Variants in HCN1 observed in about 807,000 individuals in gnomAD.
The protein encoded by HCN1 is potassium/sodium hyperpolarization-activated cyclic nucleotide-gated channel 1.
HCN1 carries 13 observed loss-of-function variants against 78.9 expected under a neutral mutation model. The ratio of observed to expected loss-of-function variants is 0.16; its 90% CI spans 0.11 to 0.26. HCN1 has a LOEUF of 0.26. Among genes scored for constraint, HCN1 ranks in the 10% least tolerant of loss-of-function variants. The pLI, the probability that HCN1 is intolerant of heterozygous loss-of-function variation, is 1.00. For missense variants in HCN1, 810 were observed against 1,154.3 expected (o/e 0.70, Z 4.32); for synonymous variants, 552 against 455.5 (o/e 1.21, Z -2.70).
chr5:45,693,300 A>ATTG (rs1456329679), intron 1 of HCN1, among the ~76,000 whole-genome samples: 157 of 152,140 alleles, frequency 1.0e-3, no homozygotes, highest in African/African-American at 3.7e-3. Context: ...GAATGTAAAC[A>ATTG]AGTACATGAT....
intron 2 of HCN1, among the ~76,000 whole-genome samples, chr5:45,624,541 C>G (rs576962904): frequency 6.6e-6 from 1 of 151,908 alleles, no homozygotes; most frequent in Non-Finnish European, 1.5e-5. Flanking sequence ...GCAAGGGCTA[C>G]AGGTGAAGCA....
chr5:45,292,310 A>G (rs1483746078), intron 6 of HCN1, among the ~76,000 whole-genome samples: 1 of 152,048 alleles, frequency 6.6e-6, no homozygotes, highest in African/African-American at 2.4e-5. Flanking sequence ...TAAAATGATT[A>G]TAATAAATAA....
At chr5:45,316,362 A>G (rs965247229) in intron 5 of HCN1, among the ~76,000 whole-genome samples, 1 of 152,122 alleles carries the variant, frequency 6.6e-6, no homozygotes, top group African/African-American at 2.4e-5. Context: ...AAAATTCAAC[A>G]CCCCTTCATG....
intron 1 of HCN1, among the ~76,000 whole-genome samples, chr5:45,646,582 T>C (rs938672449): frequency 6.6e-6 from 1 of 152,008 alleles, no homozygotes; most frequent in Non-Finnish European, 1.5e-5. Context: ...AACATGCCTA[T>C]GACTACTAAG....
At chr5:45,411,670 A>T (rs1740027163) in intron 3 of HCN1, among the ~76,000 whole-genome samples, 1 of 152,100 alleles carries the variant, frequency 6.6e-6, no homozygotes, top group African/African-American at 2.4e-5. Context: ...ATTAAGAAAA[A>T]GGCAAATGCA....
chr5:45,550,741 A>G (rs1743349734), intron 2 of HCN1, among the ~76,000 whole-genome samples: 1 of 152,092 alleles, frequency 6.6e-6, no homozygotes, highest in Non-Finnish European at 1.5e-5. Flanking sequence ...CCTAAATGTT[A>G]GCTTAAACTT....
intron 2 of HCN1, among the ~76,000 whole-genome samples, chr5:45,498,201 T>G (rs1197426053): frequency 6.6e-6 from 1 of 152,200 alleles, no homozygotes; most frequent in Non-Finnish European, 1.5e-5. Context: ...GGTTCCATTC[T>G]CCCCATCACT....
In HCN1 at chr5:45,369,158, G is replaced by A. The variant is rs963316695; in HGVS notation, c.1231-15912C>T. 5.3e-5 allele frequency among the ~76,000 whole-genome samples: 8 copies of A among 151,084 alleles called. No homozygotes were observed. In the East Asian group the frequency reaches 5.8e-4, roughly 11 times the overall value. ...TATATTCATGTTGTTGCATATATCC[G>A]TAGATATTTTTTCTTTATTTCTGAA... On this transcript the variant is annotated intron_variant, in intron 4 of 7. Transcript: ENST00000303230.
intron 3 of HCN1, among the ~76,000 whole-genome samples, chr5:45,400,081 T>C (rs1377112320): frequency 6.6e-6 from 1 of 152,146 alleles, no homozygotes; most frequent in Non-Finnish European, 1.5e-5. Flanking sequence ...TAAAATCTAA[T>C]TCAAGATTTC....
At chr5:45,665,047 C>T (rs1263157938) in intron 1 of HCN1, among the ~76,000 whole-genome samples, 3 of 151,118 alleles carry the variant, frequency 2.0e-5, no homozygotes, top group African/African-American at 2.4e-5. Context: ...TGGAACCAAC[C>T]CAAATGTCCA....
rs183230778 is a variant in HCN1, at chr5:45,443,006, A to G, written c.1011+18840T>C. Among the ~76,000 whole-genome samples the G allele has an allele frequency of 3.4e-3, 518 of 152,206 alleles. 3 individuals are homozygous for G. The highest frequency in any genetic ancestry group is 7.9e-3 in the South Asian group (38 of 4,828). On this transcript the variant is annotated intron_variant, in intron 3 of 7. Transcript: ENST00000303230. ...ATCCAGTACAATTTATATATTAAAT[A>G]GCATTTTTAGAGAATTAAGTTTTCT...
intron 3 of HCN1, among the ~76,000 whole-genome samples, chr5:45,402,874 T>C (rs915008955): frequency 1.1e-4 from 15 of 138,332 alleles, no homozygotes; most frequent in African/African-American, 4.0e-4. Context: ...CTCTACTTCC[T>C]TCCCTCCCTC....
intron 1 of HCN1, among the ~76,000 whole-genome samples, chr5:45,691,965 A>C (rs1275941810): frequency 6.6e-6 from 1 of 152,210 alleles, no homozygotes; most frequent in Non-Finnish European, 1.5e-5. Context: ...TAATGATGAA[A>C]AGAAATTGAA....
chr5:45,544,591 C>CCCT (rs1743170804), intron 2 of HCN1, among the ~76,000 whole-genome samples: 1 of 102,696 alleles, frequency 9.7e-6, no homozygotes, highest in Non-Finnish European at 1.9e-5. Context: ...CTAATGCTGT[C>CCCT]CCTCCCCCCT....
intron 7 of HCN1, 78 bp from the exon 8 acceptor site, chr5:45,262,888 A>C (rs1744778955): frequency 2.7e-6 from 4 of 1,475,352 alleles, no homozygotes. Context: ...TGGCTCCTGC[A>C]AACAGAAGTA....
At chr5:45,486,069 G>A (rs1223806844) in intron 2 of HCN1, among the ~76,000 whole-genome samples, 2 of 152,128 alleles carry the variant, frequency 1.3e-5, no homozygotes, top group East Asian at 3.9e-4. Flanking sequence ...CACATACTAA[G>A]TGATGCATGT....
chr5:45,296,295 G>T (rs184269757), intron 6 of HCN1, among the ~76,000 whole-genome samples: 3 of 151,872 alleles, frequency 2.0e-5, no homozygotes, highest in Non-Finnish European at 4.4e-5. Flanking sequence ...TAAAATTTCA[G>T]ATCACAATGA....
At chr5:45,426,504 G>T (rs1276727931) in intron 3 of HCN1, among the ~76,000 whole-genome samples, 1 of 152,210 alleles carries the variant, frequency 6.6e-6, no homozygotes, top group Non-Finnish European at 1.5e-5. Flanking sequence ...AGTCTCATGA[G>T]ATCTGATGGT....
intron 2 of HCN1, among the ~76,000 whole-genome samples, chr5:45,563,548 A>C (rs1416384026): frequency 6.6e-6 from 1 of 152,138 alleles, no homozygotes; most frequent in African/African-American, 2.4e-5. Flanking sequence ...AAGTGATATA[A>C]GATTTACAAG....
Sources: allele counts gnomAD v4.1 joint callset (sites outside exome capture counted in the v4.1 genomes callset), GRCh38; gene constraint gnomAD v4.1.1; transcripts MANE v1.5; gene names NCBI Gene and HGNC (gene_info 2026-07-23, HGNC 2026-07-21).